ZNF671: variants seen among roughly 807,000 people sequenced by gnomAD.
ZNF671 encodes zinc finger protein 671, also known as hypothetical protein FLJ23506.
Under a neutral mutation model 16.6 loss-of-function variants are expected in ZNF671, and 19 were observed. The ratio of observed to expected loss-of-function variants is 1.14; its 90% confidence interval spans 0.80 to 1.68. The LOEUF (loss-of-function observed/expected upper bound fraction) is 1.68, where lower values mean the gene tolerates loss of function less well. ZNF671 is among the 40% of genes most tolerant of loss of function. The pLI, the probability that ZNF671 is intolerant of heterozygous loss-of-function variation, is 0.00. For missense variants in ZNF671, 637 were observed against 659.8 expected (o/e 0.97, Z 0.38); for synonymous variants, 238 against 236.3 (o/e 1.01, Z -0.06).
intron 3 of ZNF671, chr19:57,721,932 C>T: frequency 4.9e-6 from 3 of 610,374 alleles, no homozygotes; most frequent in Non-Finnish European, 8.4e-6. Flanking sequence ...CAAATGGCTT[C>T]CAGTAGGGCC....
Position 57,721,307 on chromosome 19 carries a change from T to G in ZNF671, c.779A>C (p.Gln260Pro). ...FSATSGLLQH[Q>P]ASLSSMKPHK... ...GGGCTTCATGCTGCTGAGAGAGGCC[T>G]GATGCTGAAGAAGGCCAGATGTGGC... Residue 260 changes from glutamine to proline, a missense_variant, in exon 4 of 4, where the codon CAG becomes CCG. Gln to Pro is a moderately conservative substitution (Grantham distance 76). Transcript: ENST00000317398. The G allele has an allele frequency of 6.3e-7, 1 of 1,599,488 alleles. No homozygotes were observed. Among genetic ancestry groups the G allele is most frequent in the Non-Finnish European group, 8.5e-7 (1 of 1,171,092 alleles).
At position 57,721,050 on chromosome 19, in the gene ZNF671, A is replaced by G. The variant is rs762763481; in HGVS notation, c.1036T>C (p.Cys346Arg). The G allele has an allele frequency of 6.2e-7, 1 of 1,614,116 alleles. No homozygotes were observed. The highest frequency in any genetic ancestry group is 1.1e-5 in the South Asian group (1 of 91,078). Residue 346 changes from cysteine (C) to arginine (R), a missense_variant, in exon 4 of 4, where the codon TGT becomes CGT. Cys to Arg is a radical substitution (Grantham distance 180, BLOSUM62 -3). Transcript: ENST00000317398. Reference sequence around the variant, plus strand: ...GAGATTTGTCTAAAGAATTTCCCACATTCGCTGCACTCGTATGGCCTTTCT... The same window carrying G: ...GAGATTTGTCTAAAGAATTTCCCACGTTCGCTGCACTCGTATGGCCTTTCT... ...TGERPYECSECGKFFRQISGL... is the reference protein window; with the variant it reads ...TGERPYECSERGKFFRQISGL...
chr19:57,720,627 C>T lies in ZNF671; in HGVS notation c.1459G>A (p.Ala487Thr). The change falls in exon 4 of 4, where the codon GCC becomes ACC. Residue 487 changes from alanine to threonine, a missense_variant. Transcript: ENST00000317398. ...KPYECSKCGKAFTQRPNLIRH... is the reference protein window; with the variant it reads ...KPYECSKCGKTFTQRPNLIRH... ...ATGAGGTTGGGTCTTTGAGTGAAGG[C>T]TTTCCCGCACTTGCTGCACTCATAA... 1.2e-6 allele frequency: 2 copies of T among 1,614,194 alleles called. No homozygotes were observed. Among genetic ancestry groups the T allele is most frequent in the Non-Finnish European group, 1.7e-6 (2 of 1,180,042 alleles).
chr19:57,724,897 T>C (rs1462734735), intron 1 of ZNF671, among the ~76,000 whole-genome samples: 1 of 152,172 alleles, frequency 6.6e-6, no homozygotes, highest in Non-Finnish European at 1.5e-5. Context: ...CATGCTCAGC[T>C]GCATCATGAA....
rs1003325868 is a variant in ZNF671, at chr19:57,727,430, G to A, written c.99C>T (p.Arg33=). ...TTAGCTCCGCCATAGGACCGTGGGC[G>A]CGGACAGCTGCCGGGAGCGGCAGGC... ...SRRLPLPAAV[R]AHGPMAELTD... is the part of the protein sequence containing the mutation. The change falls in exon 1 of 4, where the codon CGC becomes CGT. Residue 33 remains arginine, a synonymous_variant. Coordinates refer to ENST00000317398, the MANE Select transcript of ZNF671 (RefSeq NM_024833.3). 3 of 1,613,028 alleles carry A rather than the reference G, an allele frequency of 1.9e-6. No individual in the cohort carries two copies. Among genetic ancestry groups the A allele is most frequent in the Non-Finnish European group, 2.5e-6 (3 of 1,179,600 alleles).
rs182473141 is a variant in ZNF671, at chr19:57,721,757, T to C, written c.389-60A>G. ...TTACGGGTGGGAAGGGGCAACCTCATTGTATATGTGCATTTGACACATGCA... is the reference window on the plus strand; with the variant it reads ...TTACGGGTGGGAAGGGGCAACCTCACTGTATATGTGCATTTGACACATGCA... On this transcript the variant is annotated intron_variant, in intron 3 of 3. Transcript: ENST00000317398. 3.0e-5 allele frequency: 47 copies of C among 1,563,576 alleles called. No homozygotes were observed. In the East Asian group the frequency reaches 1.0e-3, roughly 34 times the overall value.
chr19:57,726,610 A>G (rs1986058055), intron 1 of ZNF671, among the ~76,000 whole-genome samples: 1 of 152,000 alleles, frequency 6.6e-6, no homozygotes, highest in African/African-American at 2.4e-5. Context: ...CCCCACTTAA[A>G]TCTGACCTCC....
Position 57,727,464 on chromosome 19 carries a change from C to T in ZNF671, c.65G>A (p.Arg22Gln), listed in dbSNP as rs879083287. The T allele has an allele frequency of 2.5e-6, 4 of 1,612,922 alleles. No homozygotes were observed. In the South Asian group the frequency reaches 4.4e-5, roughly 18 times the overall value. Reference sequence around the variant, plus strand: ...TGCCGGGAGCGGCAGGCGTCTCGATCGGGGACGCAGGCACTTCCGTCCCTG... The same window carrying T: ...TGCCGGGAGCGGCAGGCGTCTCGATTGGGGACGCAGGCACTTCCGTCCCTG... ...ALQGRKCLRP[R>Q]SRRLPLPAAV... The change falls in exon 1 of 4, where the codon CGA becomes CAA. Residue 22 changes from arginine (R) to glutamine (Q), a missense_variant. Coordinates refer to ENST00000317398, the MANE Select transcript of ZNF671 (RefSeq NM_024833.3).
chr19:57,724,961 A>G lies in ZNF671; in HGVS notation c.139-1621T>C, dbSNP rs541655008. 5.4e-4 allele frequency among the ~76,000 whole-genome samples: 83 copies of G among 152,312 alleles called. 1 individual carries two copies. Among genetic ancestry groups the G allele is most frequent in the African/African-American group, 2.0e-3 (82 of 41,574 alleles). The stretch of plus-strand genomic sequence containing the variant: ...CCCTCAACACATTCCAGCTACATCA[A>G]AAGAGTCTGGTTCCTACCTTCTGGC... On this transcript the variant is annotated intron_variant, in intron 1 of 3. Transcript: ENST00000317398.
chr19:57,723,445 CAG>C lies in ZNF671; in HGVS notation c.139-107_139-106del, dbSNP rs1012776316. 17 of 1,361,648 alleles carry C rather than the reference CAG, an allele frequency of 1.2e-5. No individual in the cohort carries two copies. The African/African-American group carries it at 2.2e-4, about 17-fold the overall frequency. The allele number at this position is 1,361,648 out of a possible 1,614,324, so 84.3% of individuals were successfully genotyped here. On this transcript the variant is annotated intron_variant, in intron 1 of 3. Coordinates refer to ENST00000317398, the MANE Select transcript of ZNF671 (RefSeq NM_024833.3). ...TAACTAACCTCCCAGGTTCCCAAGT[CAG>C]AGATACCAGGCACTAGTACCACTGA... is the stretch of plus-strand genomic sequence containing the variant.
intron 1 of ZNF671, among the ~76,000 whole-genome samples, chr19:57,724,588 C>T (rs886859735): frequency 3.3e-5 from 5 of 151,464 alleles, no homozygotes; most frequent in South Asian, 4.2e-4. Flanking sequence ...TGCAGTGGCA[C>T]GATCTTGGCT....
At chr19:57,722,205 T>C in intron 3 of ZNF671, 111 bp downstream of exon 3, 1 of 1,501,480 alleles carries the variant, frequency 6.7e-7, no homozygotes, top group South Asian at 1.3e-5. Flanking sequence ...AAAGGACAGA[T>C]AGAAACGCTG....
chr19:57,721,051 T>A lies in ZNF671; in HGVS notation c.1035A>T (p.Glu345Asp). The change falls in exon 4 of 4, where the codon GAA (glutamate) becomes GAT (aspartate). Residue 345 changes from glutamate to aspartate, a missense_variant. Physicochemically the swap from Glu to Asp is conservative, Grantham distance 45 (BLOSUM62 2). Coordinates refer to ENST00000317398, the MANE Select transcript of ZNF671 (RefSeq NM_024833.3). ...AGATTTGTCTAAAGAATTTCCCACA[T>A]TCGCTGCACTCGTATGGCCTTTCTC... Reference protein sequence around the residue: ...HTGERPYECSECGKFFRQISG... With the variant: ...HTGERPYECSDCGKFFRQISG... 1 of 1,614,134 alleles carries A rather than the reference T, an allele frequency of 6.2e-7. No homozygotes were observed. The highest frequency in any genetic ancestry group is 1.1e-5 in the South Asian group (1 of 91,078).
chr19:57,721,685 C>A lies in ZNF671; in HGVS notation c.401G>T (p.Gly134Val). The change falls in exon 4 of 4, where the codon GGA becomes GTA. Residue 134 changes from glycine (G) to valine (V), a missense_variant. Physicochemically the swap from Gly to Val is moderately radical, Grantham distance 109 (BLOSUM62 -3). Transcript: ENST00000317398. Reference sequence around the variant, plus strand: ...AGAAGATACCTCTTCATCCTCCACTCCATGCCAACAACCTGAAGAACACAC... The same window carrying A: ...AGAAGATACCTCTTCATCCTCCACTACATGCCAACAACCTGAAGAACACAC... ...QRGLRPGCWH[G>V]VEDEEVSSEQ... 3 of 1,611,998 alleles carry A rather than the reference C, an allele frequency of 1.9e-6. No homozygotes were observed. Among genetic ancestry groups the A allele is most frequent in the Non-Finnish European group, 1.7e-6 (2 of 1,178,274 alleles).
chr19:57,727,063 A>G (rs1600055210), intron 1 of ZNF671: 1 of 254,190 alleles, frequency 3.9e-6, no homozygotes, highest in East Asian at 7.3e-5. Context: ...CCCAGCTAAG[A>G]TCACGTCCTT....
rs767271929 is a variant in ZNF671, at chr19:57,721,061, T to G, written c.1025A>C (p.Glu342Ala). 1.9e-6 allele frequency: 3 copies of G among 1,614,202 alleles called. No individual in the cohort carries two copies. Among genetic ancestry groups the G allele is most frequent in the South Asian group, 2.2e-5 (2 of 91,088 alleles). ...QTVHTGERPYECSECGKFFRQ... is the reference protein window; with the variant it reads ...QTVHTGERPYACSECGKFFRQ... The stretch of plus-strand genomic sequence containing the variant: ...AAAGAATTTCCCACATTCGCTGCAC[T>G]CGTATGGCCTTTCTCCAGTGTGAAC... Residue 342 changes from glutamate (E) to alanine (A), a missense_variant, in exon 4 of 4, where the codon GAG becomes GCG. Physicochemically the swap from Glu to Ala is moderately radical, Grantham distance 107. Coordinates refer to ENST00000317398, the MANE Select transcript of ZNF671 (RefSeq NM_024833.3).
rs771552162 is a variant in ZNF671, at chr19:57,727,413, G to C, written c.116C>G (p.Ala39Gly). The change falls in exon 1 of 4, where the codon GCG becomes GGG. Residue 39 changes from alanine (A) to glycine (G), a missense_variant. Ala to Gly is a moderately conservative substitution (Grantham distance 60, BLOSUM62 0). Transcript: ENST00000317398. Reference protein sequence around the residue: ...PAAVRAHGPMAELTDSARGCV... With the variant: ...PAAVRAHGPMGELTDSARGCV... ...CACCCGCGCGGAGTCCGTTAGCTCCGCCATAGGACCGTGGGCGCGGACAGC... is the reference window on the plus strand; with the variant it reads ...CACCCGCGCGGAGTCCGTTAGCTCCCCCATAGGACCGTGGGCGCGGACAGC... 6.2e-7 allele frequency: 1 copy of C among 1,609,698 alleles called. No homozygotes were observed. Among genetic ancestry groups the C allele is most frequent in the South Asian group, 1.1e-5 (1 of 90,862 alleles).
chr19:57,721,767 G>A, intron 3 of ZNF671, 70 bp from the exon 4 acceptor site: 2 of 1,532,996 alleles, frequency 1.3e-6, no homozygotes, highest in Non-Finnish European at 1.8e-6. Flanking sequence ...TTGTATATGT[G>A]CATTTGACAC....
rs1985824993 is a variant in ZNF671 at position 57,720,703 on chromosome 19, G to C, written c.1383C>G (p.Ser461Arg). 1 of 1,614,214 alleles carries C rather than the reference G, an allele frequency of 6.2e-7. No homozygotes were observed. The highest frequency in any genetic ancestry group is 1.3e-5 in the African/African-American group (1 of 75,042). Residue 461 changes from serine (S) to arginine (R), a missense_variant, in exon 4 of 4, where the codon AGC (serine) becomes AGG (arginine). By Grantham distance (110) the Ser-to-Arg change is moderately radical. Transcript: ENST00000317398. ...YECSRCGKAF[S>R]CISKLIQHQK... is the part of the protein sequence containing the mutation. ...GGTGCTGAATGAGTTTGGAGATGCA[G>C]CTGAAAGCTTTACCACATCTGCTAC... is the stretch of plus-strand genomic sequence containing the variant.
Sources: allele counts gnomAD v4.1 joint callset (sites outside exome capture counted in the v4.1 genomes callset), GRCh38; gene constraint gnomAD v4.1.1; transcripts MANE v1.5; gene names NCBI Gene and HGNC (gene_info 2026-07-23, HGNC 2026-07-21).